The following ADD3 variants were observed in gnomAD, a reference collection of about 807,000 sequenced individuals.
ADD3 encodes adducin 3, also known as gamma-adducin.
ADD3 carries 25 observed loss-of-function variants against 80.2 expected under a neutral mutation model. The ratio of observed to expected loss-of-function variants is 0.31; its 90% CI spans 0.23 to 0.44. The LOEUF (loss-of-function observed/expected upper bound fraction) is 0.44, where lower values mean the gene tolerates loss of function less well. ADD3 is among the 20% of genes least tolerant of loss of function. The probability of loss-of-function intolerance (pLI) is 1.00; values close to 1 mark genes in which losing one functional copy is unlikely to be tolerated. For missense variants in ADD3, 829 were observed against 847.5 expected (o/e 0.98, Z 0.27); for synonymous variants, 284 against 289.6 (o/e 0.98, Z 0.20).
chr10:110,014,049 T>G (rs957251581), intron 1 of ADD3, among the ~76,000 whole-genome samples: 1 of 152,266 alleles, frequency 6.6e-6, no homozygotes, highest in Non-Finnish European at 1.5e-5. Context: ...TCTTTTGATT[T>G]GCTAGAATGA....
intron 1 of ADD3, among the ~76,000 whole-genome samples, chr10:110,028,757 T>C (rs1854618196): frequency 6.6e-6 from 1 of 152,222 alleles, no homozygotes; most frequent in South Asian, 2.1e-4. Flanking sequence ...GTTTTGCTAA[T>C]TTTATTTCCA....
intron 3 of ADD3, among the ~76,000 whole-genome samples, 188 bp from the exon 4 acceptor site, chr10:110,116,071 C>G (rs1469932486): frequency 6.6e-6 from 1 of 152,178 alleles, no homozygotes; most frequent in African/African-American, 2.4e-5. Context: ...ATAGCTGATA[C>G]TTATTTTTAC....
In ADD3 at chr10:110,008,035, AAAG is replaced by A. The variant is rs1285722493; in HGVS notation, c.-289_-287del. ...GTCGCCAGTGTGAGGGGCGGGAGGG[AAAG>A]AAGAGGGGTTTAAATTAGATTTTTT... On this transcript the variant is annotated 5_prime_UTR_variant, in exon 1 of 15. Coordinates refer to ENST00000356080, the MANE Select transcript of ADD3 (RefSeq NM_016824.5). The A allele has an allele frequency of 3.3e-5, 5 of 151,750 alleles. No individual in the cohort carries two copies. The highest frequency in any genetic ancestry group is 7.4e-5 in the Non-Finnish European group (5 of 67,950). 9.4% of individuals were successfully genotyped at this position (151,750 alleles called of 1,614,324 possible). A position where few individuals can be genotyped will look rare whatever the true frequency, so the allele number is the denominator to read the frequency against.
intron 1 of ADD3, among the ~76,000 whole-genome samples, chr10:110,097,767 CTTTG>C (rs1270958114): frequency 6.9e-6 from 1 of 144,100 alleles, no homozygotes; most frequent in Admixed American, 6.7e-5. Flanking sequence ...GTTCCTTAGT[CTTTG>C]TTTTTCTTTT....
At chr10:110,110,422 C>G (rs550289190) in intron 2 of ADD3, among the ~76,000 whole-genome samples, 16 of 152,172 alleles carry the variant, frequency 1.1e-4, no homozygotes, top group African/African-American at 1.7e-4. Context: ...TTAAACTGTT[C>G]AACAGGAGCT....
At chr10:110,030,732 A>G (rs1485362786) in intron 1 of ADD3, among the ~76,000 whole-genome samples, 1 of 151,738 alleles carries the variant, frequency 6.6e-6, no homozygotes, top group African/African-American at 2.4e-5. Context: ...AAGACCTAGT[A>G]CAAGAAAAAG....
intron 1 of ADD3, among the ~76,000 whole-genome samples, chr10:110,062,490 G>A (rs1859050865): frequency 1.3e-5 from 2 of 152,010 alleles, no homozygotes; most frequent in African/African-American, 4.8e-5. Flanking sequence ...CTGAGGTGGA[G>A]GATTGCTTGA....
At chr10:110,012,227 A>G (rs1329540074) in intron 1 of ADD3, among the ~76,000 whole-genome samples, 1 of 152,240 alleles carries the variant, frequency 6.6e-6, no homozygotes, top group Admixed American at 6.5e-5. Flanking sequence ...TTATGTGGGA[A>G]AAAAGTGTTG....
At chr10:110,069,037 C>T (rs181674127) in intron 1 of ADD3, among the ~76,000 whole-genome samples, 17 of 151,748 alleles carry the variant, frequency 1.1e-4, no homozygotes, top group Admixed American at 3.3e-4. Context: ...ATGATCATGC[C>T]GCTGCACCCA....
chr10:110,113,263 G>T (rs1343451681), intron 3 of ADD3, among the ~76,000 whole-genome samples: 5 of 151,804 alleles, frequency 3.3e-5, no homozygotes, highest in Non-Finnish European at 5.9e-5. Context: ...TTGTTTTTTT[G>T]TTGTTGTTTG....
At chr10:110,040,960 CTCTG>C (rs1341872586) in intron 1 of ADD3, among the ~76,000 whole-genome samples, 1 of 15,796 alleles carries the variant, frequency 6.3e-5, no homozygotes, top group Non-Finnish European at 9.4e-4. Context: ...CTCTGTCTCT[CTCTG>C]TCTCTCTCTC....
chr10:110,123,278 A>T (rs1367492914), intron 9 of ADD3, among the ~76,000 whole-genome samples: 1 of 152,140 alleles, frequency 6.6e-6, no homozygotes, highest in Non-Finnish European at 1.5e-5. Context: ...TTTTAATTGT[A>T]TGAGGAACCT....
intron 1 of ADD3, among the ~76,000 whole-genome samples, chr10:110,091,194 C>T (rs1847458296): frequency 6.6e-6 from 1 of 152,094 alleles, no homozygotes; most frequent in Non-Finnish European, 1.5e-5. Flanking sequence ...TTTTCATCCC[C>T]CCTCCCCCAA....
At chr10:110,091,578 A>G (rs1814358687) in intron 1 of ADD3, among the ~76,000 whole-genome samples, 1 of 152,202 alleles carries the variant, frequency 6.6e-6, no homozygotes, top group African/African-American at 2.4e-5. Flanking sequence ...TTGACTAGCC[A>G]TCATATGCAG....
chr10:110,032,452 A>G (rs892488220), intron 1 of ADD3, among the ~76,000 whole-genome samples: 2 of 152,210 alleles, frequency 1.3e-5, no homozygotes, highest in Non-Finnish European at 2.9e-5. Flanking sequence ...GAAGGACAAA[A>G]AAGGAAAAAG....
At chr10:110,009,423 T>G (rs1413433355) in intron 1 of ADD3, among the ~76,000 whole-genome samples, 16 of 152,172 alleles carry the variant, frequency 1.1e-4, no homozygotes, top group Non-Finnish European at 7.4e-5. Context: ...GAGAGTGTTT[T>G]TAAAGATTGA....
chr10:110,036,288 A>G (rs1855633445), intron 1 of ADD3, among the ~76,000 whole-genome samples: 1 of 151,928 alleles, frequency 6.6e-6, no homozygotes, highest in African/African-American at 2.4e-5. Context: ...TATAACTTAG[A>G]ATATCTTTAC....
chr10:110,131,881 A>G (rs1408133827), intron 13 of ADD3, among the ~76,000 whole-genome samples: 4 of 152,202 alleles, frequency 2.6e-5, no homozygotes, highest in African/African-American at 7.2e-5. Flanking sequence ...GCTCAGTAAC[A>G]TTGCTCTGAC....
intron 1 of ADD3, among the ~76,000 whole-genome samples, chr10:110,091,252 T>A (rs1465207040): frequency 6.6e-6 from 1 of 152,184 alleles, no homozygotes; most frequent in East Asian, 1.9e-4. Context: ...GAAATGATAG[T>A]CCTTTGAGCC....
Sources: allele counts gnomAD v4.1 joint callset (sites outside exome capture counted in the v4.1 genomes callset), GRCh38; gene constraint gnomAD v4.1.1; transcripts MANE v1.5; gene names NCBI Gene and HGNC (gene_info 2026-07-23, HGNC 2026-07-21).